DLGAP2: variants seen among roughly 807,000 people sequenced by gnomAD.
DLGAP2 encodes the protein disks large-associated protein 2.
DLGAP2 carries 26 observed loss-of-function variants against 100.3 expected under a neutral mutation model. The observed-to-expected ratio is 0.26, with a 90% confidence interval of 0.19 to 0.36. The LOEUF (loss-of-function observed/expected upper bound fraction) is 0.36. Among genes scored for constraint, DLGAP2 ranks in the 10% least tolerant of loss-of-function variants. The pLI, the probability that DLGAP2 is intolerant of heterozygous loss-of-function variation, is 1.00. For missense variants in DLGAP2, 1,858 were observed against 1,453.2 expected (o/e 1.28, Z -4.53); for synonymous variants, 886 against 630.1 (o/e 1.41, Z -6.08).
chr8:867,783 C>A (rs1754550965), intron 1 of DLGAP2, among the ~76,000 whole-genome samples: 1 of 152,178 alleles, frequency 6.6e-6, no homozygotes, highest in Non-Finnish European at 1.5e-5. Flanking sequence ...GGAAGTGAAG[C>A]TTTGAATGAT....
intron 3 of DLGAP2, among the ~76,000 whole-genome samples, chr8:1,477,321 G>A (rs990592113): frequency 6.6e-6 from 1 of 152,154 alleles, no homozygotes; most frequent in Non-Finnish European, 1.5e-5. Context: ...AGGCCATGTT[G>A]GTGGCAGGGC....
intron 4 of DLGAP2, among the ~76,000 whole-genome samples, chr8:1,539,478 G>A (rs1454612503): frequency 6.6e-6 from 1 of 152,162 alleles, no homozygotes; most frequent in African/African-American, 2.4e-5. Flanking sequence ...ATCCCCACGA[G>A]TTGAGTGAGA....
intron 2 of DLGAP2, among the ~76,000 whole-genome samples, chr8:1,032,380 G>A (rs1011846743): frequency 2.0e-5 from 3 of 152,170 alleles, no homozygotes; most frequent in Admixed American, 6.5e-5. Context: ...GGCTCCCAGC[G>A]ATTTCTCCAC....
intron 3 of DLGAP2, among the ~76,000 whole-genome samples, chr8:1,289,540 T>A (rs1272886736): frequency 6.6e-6 from 1 of 152,198 alleles, no homozygotes; most frequent in South Asian, 2.1e-4. Flanking sequence ...ACCTTGCTCC[T>A]TTCGTTCCTT....
At chr8:1,626,007 C>G (rs1228827872) in intron 6 of DLGAP2, among the ~76,000 whole-genome samples, 1 of 147,624 alleles carries the variant, frequency 6.8e-6, no homozygotes, top group Non-Finnish European at 1.5e-5. Context: ...GACGGCTGTT[C>G]CCATCTCTAC....
chr8:1,111,388 CT>C lies in DLGAP2; in HGVS notation c.74-147453del, dbSNP rs961679663. 8.1e-5 allele frequency among the ~76,000 whole-genome samples: 12 copies of C among 148,944 alleles called. No homozygotes were observed. The East Asian group carries it at 1.2e-3, about 15-fold the overall frequency. On this transcript the variant is annotated intron_variant, in intron 2 of 14. Coordinates refer to ENST00000637795, the MANE Select transcript of DLGAP2 (RefSeq NM_001346810.2). ...TTTCTGTGTGACCTTGGGCGTGTTT[CT>C]TTTTTTTTTCTTTTTTAACTTTTAT...
chr8:1,524,355 C>T (rs1038010358), intron 4 of DLGAP2, among the ~76,000 whole-genome samples: 1 of 152,108 alleles, frequency 6.6e-6, no homozygotes, highest in Non-Finnish European at 1.5e-5. Context: ...CTGGCTACCC[C>T]CAGCTGTGCT....
chr8:1,413,680 T>C (rs1013131172), intron 3 of DLGAP2, among the ~76,000 whole-genome samples: 2 of 152,242 alleles, frequency 1.3e-5, no homozygotes, highest in Admixed American at 1.3e-4. Flanking sequence ...GTCACTCTTA[T>C]CTTTGATAAA....
intron 7 of DLGAP2, 125 bp downstream of exon 7, chr8:1,627,012 A>G: frequency 8.4e-7 from 1 of 1,195,500 alleles, no homozygotes; most frequent in Non-Finnish European, 1.1e-6. Context: ...GCAAGGCTAC[A>G]CCAAAGGGGG....
intron 6 of DLGAP2, among the ~76,000 whole-genome samples, chr8:1,571,800 T>TG (rs1414918424): frequency 8.6e-5 from 7 of 81,782 alleles, no homozygotes; most frequent in African/African-American, 1.6e-4. Context: ...GGGTGAACTA[T>TG]GGGGCGTCTG....
chr8:1,524,807 G>C (rs973899218), intron 4 of DLGAP2, among the ~76,000 whole-genome samples: 1 of 152,048 alleles, frequency 6.6e-6, no homozygotes, highest in African/African-American at 2.4e-5. Flanking sequence ...GAACATCTCA[G>C]GTCCTTCCGT....
chr8:1,266,645 A>G (rs1257073237), intron 3 of DLGAP2, among the ~76,000 whole-genome samples: 9 of 152,114 alleles, frequency 5.9e-5, no homozygotes, highest in Non-Finnish European at 1.0e-4. Context: ...CTCAGTCACC[A>G]CGCACTGACG....
At chr8:1,008,315 T>G (rs1801179226) in intron 2 of DLGAP2, among the ~76,000 whole-genome samples, 2 of 152,244 alleles carry the variant, frequency 1.3e-5, no homozygotes, top group Non-Finnish European at 2.9e-5. Context: ...CAGCTTTGTT[T>G]ACCTTCCTTT....
intron 3 of DLGAP2, among the ~76,000 whole-genome samples, chr8:1,364,075 G>C (rs543206948): frequency 1.0e-3 from 154 of 152,292 alleles, no homozygotes; most frequent in Non-Finnish European, 1.7e-3. Context: ...GCCGCCTTCA[G>C]GTGCAGACCC....
chr8:814,850 C>CAA (rs34412684), intron 1 of DLGAP2, among the ~76,000 whole-genome samples: 862 of 61,214 alleles, frequency 0.014, 22 homozygotes, highest in Middle Eastern at 0.018. Context: ...GACTCCGTCT[C>CAA]AAAAAAAAAA....
chr8:1,153,257 G>C (rs1267628405), intron 2 of DLGAP2, among the ~76,000 whole-genome samples: 1 of 152,110 alleles, frequency 6.6e-6, no homozygotes, highest in Admixed American at 6.5e-5. Flanking sequence ...AACATGCCCA[G>C]ATAATTGGGG....
intron 2 of DLGAP2, among the ~76,000 whole-genome samples, chr8:1,197,630 C>G (rs1797779645): frequency 6.6e-6 from 1 of 150,394 alleles, no homozygotes; most frequent in Non-Finnish European, 1.5e-5. Context: ...ACCAGCTGTC[C>G]ATATAAACCT....
intron 3 of DLGAP2, among the ~76,000 whole-genome samples, chr8:1,313,265 G>C (rs773508993): frequency 7.2e-5 from 11 of 152,220 alleles, no homozygotes; most frequent in Non-Finnish European, 1.3e-4. Flanking sequence ...TCTTGTTGTT[G>C]TTCAGCATGC....
intron 1 of DLGAP2, among the ~76,000 whole-genome samples, chr8:839,959 C>T (rs1055052300): frequency 1.3e-5 from 2 of 151,486 alleles, no homozygotes; most frequent in African/African-American, 4.8e-5. Context: ...TGTCTCCGTA[C>T]ACTCTGGATT....
Sources: gnomAD v4.1 joint callset for allele counts (sites outside exome capture counted in the v4.1 genomes callset) on GRCh38, gnomAD v4.1.1 for gene constraint, MANE v1.5 for transcripts, NCBI Gene and HGNC (gene_info 2026-07-23, HGNC 2026-07-21) for gene names.